The following NEXN variants were observed in gnomAD, a reference collection of about 807,000 sequenced individuals.
NEXN encodes the protein nexilin F-actin binding protein.
In NEXN, 65 loss-of-function variants were observed where a neutral mutation model predicts 92.6. The observed-to-expected ratio is 0.70, with a 90% CI of 0.57 to 0.86. The LOEUF (loss-of-function observed/expected upper bound fraction) is 0.86, where lower values mean the gene tolerates loss of function less well. Among genes scored for constraint, NEXN ranks in the 40% least tolerant of loss-of-function variants. The pLI is 0.00. For missense variants in NEXN, 778 were observed against 771.1 expected (o/e 1.01, Z -0.11); for synonymous variants, 254 against 242.5 (o/e 1.05, Z -0.44).
chr1:77,891,225 A>T (rs1332451751), intron 1 of NEXN, among the ~76,000 whole-genome samples: 1 of 152,184 alleles, frequency 6.6e-6, no homozygotes, highest in Non-Finnish European at 1.5e-5. Flanking sequence ...TATAATGTTA[A>T]TACACCATGT....
intron 1 of NEXN, among the ~76,000 whole-genome samples, chr1:77,900,971 A>G (rs1647657375): frequency 6.6e-6 from 1 of 152,220 alleles, no homozygotes; most frequent in Admixed American, 6.6e-5. Flanking sequence ...AAGATTCCAG[A>G]TACAAAGTCT....
Position 77,917,882 on chromosome 1 carries a change from C to G in NEXN, c.220-78C>G. On this transcript the variant is annotated intron_variant, in intron 3 of 12. Transcript: ENST00000334785. ...TAAAATACTTTTCTGTATTTGTAACCTAATTTAAACTCTGCATATAATGTG... is the reference window on the plus strand; with the variant it reads ...TAAAATACTTTTCTGTATTTGTAACGTAATTTAAACTCTGCATATAATGTG... The G allele has an allele frequency of 2.1e-6, 3 of 1,448,656 alleles. No homozygotes were observed. In the Admixed American group the frequency reaches 5.1e-5, roughly 25 times the overall value. The allele number at this position is 1,448,656 out of a possible 1,614,324, so 89.7% of individuals were successfully genotyped here.
chr1:77,922,549 A>G (rs1304328521), intron 5 of NEXN, among the ~76,000 whole-genome samples: 2 of 152,156 alleles, frequency 1.3e-5, no homozygotes, highest in Non-Finnish European at 2.9e-5. Context: ...AAGTAATTCT[A>G]TAACAAAGCA....
chr1:77,918,912 G>A (rs996941603), intron 5 of NEXN, among the ~76,000 whole-genome samples: 1 of 152,092 alleles, frequency 6.6e-6, no homozygotes, highest in African/African-American at 2.4e-5. Context: ...AACTATCCAT[G>A]AGTACCTAAC....
chr1:77,933,030 GCA>G (rs1650433468), intron 9 of NEXN: 1 of 320,912 alleles, frequency 3.1e-6, no homozygotes, highest in African/African-American at 2.2e-5. Flanking sequence ...GCGTGGTGGC[GCA>G]TGCCTGTAAT....
At chr1:77,939,661 G>A (rs1651088078) in intron 11 of NEXN, among the ~76,000 whole-genome samples, 1 of 152,178 alleles carries the variant, frequency 6.6e-6, no homozygotes, top group Non-Finnish European at 1.5e-5. Context: ...TGTGGTATTA[G>A]GACATGGCTG....
intron 1 of NEXN, among the ~76,000 whole-genome samples, chr1:77,897,311 A>G (rs1416189835): frequency 3.3e-5 from 5 of 152,240 alleles, no homozygotes; most frequent in African/African-American, 1.2e-4. Flanking sequence ...CTTATCCACC[A>G]TGATCAAGTG....
rs1396446324 is a variant in NEXN, at chr1:77,920,156, C to A, written c.447+1883C>A. 2.0e-5 allele frequency among the ~76,000 whole-genome samples: 3 copies of A among 151,918 alleles called. No homozygotes were observed. The East Asian group carries it at 5.8e-4, about 29-fold the overall frequency. On this transcript the variant is annotated intron_variant, in intron 5 of 12. Coordinates refer to ENST00000334785, the MANE Select transcript of NEXN (RefSeq NM_144573.4). ...TCTCAGATGATCTGCCCACCTCGGC[C>A]TCCCAAAATGATTACAGGCATGAGC...
At chr1:77,906,645 T>C (rs1648133404) in intron 1 of NEXN, among the ~76,000 whole-genome samples, 1 of 152,096 alleles carries the variant, frequency 6.6e-6, no homozygotes, top group African/African-American at 2.4e-5. Context: ...GTTCTAAAGT[T>C]GTTTTTTGTT....
At chr1:77,936,172 A>G (rs1650748649) in intron 11 of NEXN, 128 bp downstream of exon 11, 1 of 683,146 alleles carries the variant, frequency 1.5e-6, no homozygotes, top group Non-Finnish European at 2.5e-6. Context: ...TAATCTGGGA[A>G]GTAAATAGCA....
At chr1:77,915,951 G>C (rs530349443) in intron 1 of NEXN, 104 bp from the exon 2 acceptor site, 10 of 282,428 alleles carry the variant, frequency 3.5e-5, no homozygotes, top group Non-Finnish European at 6.5e-5. Context: ...CTTGAATCAT[G>C]TCAGTATTTT....
chr1:77,926,570 C>G lies in NEXN; in HGVS notation c.646C>G (p.Arg216Gly). ...TAAAAGAATAAGATATGAAGAACAACGACCATCTCTCAAGGAAGCAAAGTG... is the reference window on the plus strand; with the variant it reads ...TAAAAGAATAAGATATGAAGAACAAGGACCATCTCTCAAGGAAGCAAAGTG... ...EDKRIRYEEQ[R>G]PSLKEAKCLS... is the part of the protein sequence containing the mutation. The change falls in exon 7 of 13, where the codon CGA becomes GGA. Residue 216 changes from arginine to glycine, a missense_variant. Physicochemically the swap from Arg to Gly is moderately radical, Grantham distance 125. Transcript: ENST00000334785. 1.2e-6 allele frequency: 2 copies of G among 1,613,836 alleles called. No individual in the cohort carries two copies. Among genetic ancestry groups the G allele is most frequent in the South Asian group, 2.2e-5 (2 of 91,082 alleles).
At chr1:77,908,795 A>T (rs1040857196) in intron 1 of NEXN, among the ~76,000 whole-genome samples, 1 of 152,196 alleles carries the variant, frequency 6.6e-6, no homozygotes, top group Non-Finnish European at 1.5e-5. Context: ...AATAAAATTA[A>T]TCAAAGTTAT....
At chr1:77,923,274 C>T (rs1649584969) in intron 5 of NEXN, among the ~76,000 whole-genome samples, 1 of 151,050 alleles carries the variant, frequency 6.6e-6, no homozygotes, top group Non-Finnish European at 1.5e-5. Context: ...TGTTTACAGG[C>T]ATGAGCCACC....
At chr1:77,928,298 G>T (rs1220513788) in intron 8 of NEXN, among the ~76,000 whole-genome samples, 1 of 147,930 alleles carries the variant, frequency 6.8e-6, no homozygotes, top group African/African-American at 2.5e-5. Flanking sequence ...GTGACAGAGT[G>T]AGACCCTGTC....
chr1:77,915,459 C>T (rs1370784729), intron 1 of NEXN, among the ~76,000 whole-genome samples: 2 of 152,034 alleles, frequency 1.3e-5, no homozygotes, highest in Non-Finnish European at 2.9e-5. Flanking sequence ...GAAACCCCGT[C>T]TCTACTAAAA....
Position 77,917,592 on chromosome 1 carries a change from C to T in NEXN, c.54C>T (p.Val18=). Residue 18 remains valine (V), a synonymous_variant, in exon 3 of 13, where the codon GTC becomes GTT. Transcript: ENST00000334785. ...TTCTGCTTTCTTCATCTAAACCTGT[C>T]CCAAAAACCTATGTACCAAAACTTG... ...AEILLSSSKP[V]PKTYVPKLGK... 1 of 1,612,952 alleles carries T rather than the reference C, an allele frequency of 6.2e-7. No homozygotes were observed. The highest frequency in any genetic ancestry group is 8.5e-7 in the Non-Finnish European group (1 of 1,179,468).
intron 1 of NEXN, among the ~76,000 whole-genome samples, chr1:77,898,261 T>C (rs929473232): frequency 2.6e-5 from 4 of 152,126 alleles, no homozygotes; most frequent in African/African-American, 9.7e-5. Context: ...CTTCAAACTA[T>C]ACTACAAGGC....
intron 1 of NEXN, among the ~76,000 whole-genome samples, chr1:77,905,039 G>A (rs1648006081): frequency 6.6e-6 from 1 of 152,076 alleles, no homozygotes; most frequent in Non-Finnish European, 1.5e-5. Flanking sequence ...CAAGGTGGGC[G>A]GATCACGAGG....
Sources: allele counts gnomAD v4.1 joint callset (sites outside exome capture counted in the v4.1 genomes callset), GRCh38; gene constraint gnomAD v4.1.1; transcripts MANE v1.5; gene names NCBI Gene and HGNC (gene_info 2026-07-23, HGNC 2026-07-21).